NUDT10: variants seen among roughly 807,000 people sequenced by gnomAD.
NUDT10 encodes nudix hydrolase 10.
A neutral mutation model predicts 10.5 loss-of-function variants in NUDT10; 2 were observed. The observed-to-expected ratio is 0.19, with a 90% CI of 0.08 to 0.60. The LOEUF (loss-of-function observed/expected upper bound fraction) is 0.60, where lower values mean the gene tolerates loss of function less well. Ranked by LOEUF, NUDT10 falls within the 20% of genes least tolerant of loss-of-function variation. The pLI, the probability that NUDT10 is intolerant of heterozygous loss-of-function variation, is 0.89. For missense variants in NUDT10, 75 were observed against 149.5 expected (o/e 0.50, Z 2.60); for synonymous variants, 53 against 71.8 (o/e 0.74, Z 1.32).
At position 51,336,917 on chromosome X, in the gene NUDT10, C is replaced by T. The variant is rs1247912068; in HGVS notation, c.*678C>T. On this transcript the variant is annotated 3_prime_UTR_variant, in exon 2 of 2. Coordinates refer to ENST00000356450, the MANE Select transcript of NUDT10 (RefSeq NM_001304963.2). Reference sequence around the variant, plus strand: ...TAGCCTGAGCAATATAATGAGACTCCGTCTCTTAAAATATTTGCCCAAACA... The same window carrying T: ...TAGCCTGAGCAATATAATGAGACTCTGTCTCTTAAAATATTTGCCCAAACA... The T allele has an allele frequency of 8.9e-6, 1 of 112,174 alleles. No homozygotes were observed. The highest frequency in any genetic ancestry group is 3.2e-5 in the African/African-American group (1 of 30,854). 9.2% of individuals were successfully genotyped at this position (112,174 alleles called of 1,213,427 possible). A position where few individuals can be genotyped will look rare whatever the true frequency, so the allele number is the denominator to read the frequency against.
Position 51,337,231 on chromosome X carries a change from G to A in NUDT10, c.*992G>A, listed in dbSNP as rs1259091511. ...AAACGAATACATTTATGAGACAATC[G>A]GGGTAATTTGAACATTGGTGGGGTA... On this transcript the variant is annotated 3_prime_UTR_variant, in exon 2 of 2. Coordinates refer to ENST00000356450, the MANE Select transcript of NUDT10 (RefSeq NM_001304963.2). The A allele has an allele frequency of 1.8e-5, 2 of 111,892 alleles. No homozygotes were observed. Among genetic ancestry groups the A allele is most frequent in the African/African-American group, 3.2e-5 (1 of 30,798 alleles). The allele number at this position is 111,892 out of a possible 1,213,427, so 9.2% of individuals were successfully genotyped here.
Position 51,332,853 on chromosome X carries a change from G to T in NUDT10, c.-113G>T. On this transcript the variant is annotated 5_prime_UTR_variant, in exon 1 of 2. Coordinates refer to ENST00000356450, the MANE Select transcript of NUDT10 (RefSeq NM_001304963.2). The stretch of plus-strand genomic sequence containing the variant: ...CAGACGGAGGCGCCTCTCTCTCCCC[G>T]CCCCTCTCCTCGGCCCTTTCTCTTC... 9.5e-7 allele frequency: 1 copy of T among 1,053,439 alleles called. No individual in the cohort carries two copies. The highest frequency in any genetic ancestry group is 1.3e-6 in the Non-Finnish European group (1 of 799,017). The allele number at this position is 1,053,439 out of a possible 1,213,427, so 86.8% of individuals were successfully genotyped here. A position where few individuals can be genotyped will look rare whatever the true frequency, so the allele number is the denominator to read the frequency against.
intron 1 of NUDT10, among the ~76,000 whole-genome samples, chrX:51,334,864 CCTTAA>C (rs1206125636): frequency 9.0e-6 from 1 of 111,109 alleles, no homozygotes; most frequent in African/African-American, 3.3e-5. Flanking sequence ...TATTGGGGTC[CCTTAA>C]CTTTTTTTTT....
chrX:51,333,764 T>C (rs1328895808), intron 1 of NUDT10, among the ~76,000 whole-genome samples: 1 of 8,353 alleles, frequency 1.2e-4, no homozygotes, highest in African/African-American at 5.2e-4. Flanking sequence ...GGGGGGGGGG[T>C]GGGGGGCGAG....
At chrX:51,334,783 G>A (rs1557312598) in intron 1 of NUDT10, among the ~76,000 whole-genome samples, 1 of 111,528 alleles carries the variant, frequency 9.0e-6, no homozygotes, top group Non-Finnish European at 1.9e-5. Flanking sequence ...GAGGGTATTC[G>A]AATGAAAAGA....
intron 1 of NUDT10, 149 bp downstream of exon 1, chrX:51,333,608 A>G: frequency 1.2e-6 from 1 of 855,089 alleles, no homozygotes; most frequent in East Asian, 3.4e-5. Context: ...CACGCTTGCA[A>G]ACTGTTGCCA....
chrX:51,332,731 G>GGACTGGCT (rs1306806047), upstream of NUDT10: 8 of 434,028 alleles, frequency 1.8e-5, no homozygotes, highest in East Asian at 1.3e-4. Context: ...TCGGACTGGC[G>GGACTGGCT]GACTGGCTGA....
Position 51,333,485 on chromosome X carries a change from A to T in NUDT10, c.494+26A>T, listed in dbSNP as rs1436171042. The T allele has an allele frequency of 3.0e-5, 36 of 1,200,349 alleles. No individual in the cohort carries two copies. In the East Asian group the frequency reaches 1.1e-3, roughly 36 times the overall value. On this transcript the variant is annotated intron_variant, in intron 1 of 1. Transcript: ENST00000356450. ...GTATGTACCGCTTGCGCCCGCACAG[A>T]CTTCTGTTTGTCTGCCTTGCTTAAA...
intron 1 of NUDT10, among the ~76,000 whole-genome samples, chrX:51,335,379 T>C (rs1300140199): frequency 9.0e-6 from 1 of 110,532 alleles, no homozygotes; most frequent in East Asian, 2.8e-4. Flanking sequence ...GCCTACTTTT[T>C]CTTATTCTAA....
chrX:51,336,280 C>T lies in NUDT10; in HGVS notation c.*41C>T, dbSNP rs781825236. ...TTGTTCAGATTTACTTTGAAAGAAT[C>T]AAGTATGTGAATGGATGGATGAATG... On this transcript the variant is annotated 3_prime_UTR_variant, in exon 2 of 2. Coordinates refer to ENST00000356450, the MANE Select transcript of NUDT10 (RefSeq NM_001304963.2). 13 of 558,395 alleles carry T rather than the reference C, an allele frequency of 2.3e-5. No individual in the cohort carries two copies. The Admixed American group carries it at 2.8e-4, about 12-fold the overall frequency. The allele number at this position is 558,395 out of a possible 1,213,427, so 46.0% of individuals were successfully genotyped here.
chrX:51,334,012 G>A (rs1429136322), intron 1 of NUDT10, among the ~76,000 whole-genome samples: 1 of 110,781 alleles, frequency 9.0e-6, no homozygotes, highest in Non-Finnish European at 1.9e-5. Context: ...GGCCTTCTGT[G>A]GTGGGAGTTG....
intron 1 of NUDT10, among the ~76,000 whole-genome samples, chrX:51,335,627 A>G (rs192664196): frequency 9.8e-4 from 110 of 111,907 alleles, no homozygotes; most frequent in Non-Finnish European, 1.7e-3. Context: ...GCAACATTAG[A>G]GGGCCCTTGT....
chrX:51,333,704 C>A (rs1370511057), intron 1 of NUDT10, among the ~76,000 whole-genome samples: 3 of 88,462 alleles, frequency 3.4e-5, no homozygotes, highest in Non-Finnish European at 6.3e-5. Context: ...GAAGCCTATG[C>A]CGCTTGGGGT....
Position 51,333,243 on chromosome X carries a change from C to T in NUDT10, c.278C>T (p.Thr93Met). 8.3e-7 allele frequency: 1 copy of T among 1,211,207 alleles called. No homozygotes were observed. The highest frequency in any genetic ancestry group is 1.7e-5 in the African/African-American group (1 of 57,692). The change falls in exon 1 of 2, where the codon ACG becomes ATG. Residue 93 changes from threonine to methionine, a missense_variant. Thr to Met is a moderately conservative substitution (Grantham distance 81). Coordinates refer to ENST00000356450, the MANE Select transcript of NUDT10 (RefSeq NM_001304963.2). Reference protein sequence around the residue: ...FEQNQDPKHRTYVYVLTVTEL... With the variant: ...FEQNQDPKHRMYVYVLTVTEL... Reference sequence around the variant, plus strand: ...CAGAACCAGGACCCCAAGCACAGAACGTACGTGTATGTACTGACTGTCACG... The same window carrying T: ...CAGAACCAGGACCCCAAGCACAGAATGTACGTGTATGTACTGACTGTCACG...
At position 51,332,825 on chromosome X, in the gene NUDT10, C is replaced by A; in HGVS notation, c.-141C>A. ...TCCGCTCCCCGGGCTCGGGGGCAGA[C>A]GGCAGACGGAGGCGCCTCTCTCTCC... On this transcript the variant is annotated 5_prime_UTR_variant, in exon 1 of 2. Coordinates refer to ENST00000356450, the MANE Select transcript of NUDT10 (RefSeq NM_001304963.2). 1 of 958,321 alleles carries A rather than the reference C, an allele frequency of 1.0e-6. No individual in the cohort carries two copies. Among genetic ancestry groups the A allele is most frequent in the African/African-American group, 2.0e-5 (1 of 50,905 alleles). 79.0% of individuals were successfully genotyped at this position (958,321 alleles called of 1,213,427 possible).
chrX:51,337,333 G>A lies in NUDT10; in HGVS notation c.*1094G>A, dbSNP rs1453886947. 5 of 111,718 alleles carry A rather than the reference G, an allele frequency of 4.5e-5. No individual in the cohort carries two copies. Among genetic ancestry groups the A allele is most frequent in the African/African-American group, 1.6e-4 (5 of 30,733 alleles). 9.2% of individuals were successfully genotyped at this position (111,718 alleles called of 1,213,427 possible). A position where few individuals can be genotyped will look rare whatever the true frequency, so the allele number is the denominator to read the frequency against. ...TCTACATTCTCAAACATCTGTGGCT[G>A]ATATGATATGATTCTTGGAATTTGC... On this transcript the variant is annotated 3_prime_UTR_variant, in exon 2 of 2. Coordinates refer to ENST00000356450, the MANE Select transcript of NUDT10 (RefSeq NM_001304963.2).
upstream of NUDT10, chrX:51,332,749 G>T (rs1440361252): frequency 8.1e-6 from 4 of 491,408 alleles, no homozygotes; most frequent in Non-Finnish European, 1.3e-5. Flanking sequence ...TGACTGACAC[G>T]CCTCGCTTGC....
Position 51,333,343 on chromosome X carries a change from C to T in NUDT10, c.378C>T (p.Ile126=). The change falls in exon 1 of 2, where the codon ATC becomes ATT. Residue 126 remains isoleucine (I), a synonymous_variant. Transcript: ENST00000356450. ...AGTGGTTCAAAGTCGAAGATGCCAT[C>T]AAGGTTCTCCAGTGCCACAAGCCCG... is the stretch of plus-strand genomic sequence containing the variant. ...KREWFKVEDA[I]KVLQCHKPVH... is the part of the protein sequence containing the mutation. 8.3e-7 allele frequency: 1 copy of T among 1,210,147 alleles called. No individual in the cohort carries two copies. Among genetic ancestry groups the T allele is most frequent in the East Asian group, 3.0e-5 (1 of 33,764 alleles).
chrX:51,333,114 G>A lies in NUDT10; in HGVS notation c.149G>A (p.Gly50Glu), dbSNP rs1372350904. ...CCGGACCGCTGGATCGTGCCGGGCG[G>A]GGGCATGGAGCCCGAGGAGGAGCCG... ...RYPDRWIVPG[G>E]GMEPEEEPGG... Residue 50 changes from glycine (G) to glutamate (E), a missense_variant, in exon 1 of 2, where the codon GGG becomes GAG. Transcript: ENST00000356450. The A allele has an allele frequency of 8.3e-7, 1 of 1,208,278 alleles. No homozygotes were observed. The highest frequency in any genetic ancestry group is 1.1e-6 in the Non-Finnish European group (1 of 894,390).
Sources: gnomAD v4.1 joint callset for allele counts (sites outside exome capture counted in the v4.1 genomes callset) on GRCh38, gnomAD v4.1.1 for gene constraint, MANE v1.5 for transcripts, NCBI Gene and HGNC (gene_info 2026-07-23, HGNC 2026-07-21) for gene names.